The following NR4A2 variants were observed in gnomAD, a reference collection of about 807,000 sequenced individuals.
The protein encoded by NR4A2 is NGFI-B/nur77 beta-type transcription factor homolog.
NR4A2 carries 1 observed loss-of-function variant against 50.5 expected under a neutral mutation model. That is an observed-to-expected ratio of 0.02 (90% CI 0.01 to 0.09). The LOEUF (loss-of-function observed/expected upper bound fraction) is 0.09. NR4A2 is among the 10% of genes least tolerant of loss of function. The pLI is 1.00. For synonymous variants in NR4A2, 328 were observed against 309.4 expected (o/e 1.06, Z -0.63); for missense variants, 613 against 777.3 (o/e 0.79, Z 2.51).
chr2:156,331,081 C>T (rs1268848498), intron 1 of NR4A2, among the ~76,000 whole-genome samples: 1 of 152,192 alleles, frequency 6.6e-6, no homozygotes, highest in Non-Finnish European at 1.5e-5. Context: ...GAACTGGCCC[C>T]TTTGCTACAG....
At chr2:156,330,445 C>T (rs1686872675) in intron 2 of NR4A2, among the ~76,000 whole-genome samples, 1 of 152,108 alleles carries the variant, frequency 6.6e-6, no homozygotes, top group African/African-American at 2.4e-5. Flanking sequence ...TCCCTCATAC[C>T]CCCCCACTCA....
chr2:156,328,578 G>GA lies in NR4A2; in HGVS notation c.865-46dup. 6.2e-7 allele frequency: 1 copy of GA among 1,613,404 alleles called. No individual in the cohort carries two copies. Among genetic ancestry groups the GA allele is most frequent in the Non-Finnish European group, 8.5e-7 (1 of 1,179,862 alleles). On this transcript the variant is annotated intron_variant, in intron 3 of 7. Transcript: ENST00000339562. This position sits in a 1 kb window ranked among gnomAD's most constrained non-coding sequence, Gnocchi z 4.9. ...AGACCAACATTTTTTTTCTTCTTTT[G>GA]AAAATCAGGCAACTCGGAGAAAATT...
In NR4A2 at chr2:156,326,194, T is replaced by G. The variant is rs537443892; in HGVS notation, c.1496A>C (p.Asp499Ala). The change falls in exon 7 of 8, where the codon GAC (aspartate) becomes GCC (alanine). Residue 499 changes from aspartate to alanine, a missense_variant. Coordinates refer to ENST00000339562, the MANE Select transcript of NR4A2 (RefSeq NM_006186.4). The surrounding 1 kb of genome is among the most constrained non-coding windows in gnomAD (Gnocchi z 4.2). Reference protein sequence around the residue: ...FSSNLQNMNIDISAFSCIAAL... With the variant: ...FSSNLQNMNIAISAFSCIAAL... Reference sequence around the variant, plus strand: ...AGCAATGCAGGAGAAGGCAGAAATGTCGATGTTCATATTCTGCAAGTTGGA... The same window carrying G: ...AGCAATGCAGGAGAAGGCAGAAATGGCGATGTTCATATTCTGCAAGTTGGA... 4 of 1,614,178 alleles carry G rather than the reference T, an allele frequency of 2.5e-6. No homozygotes were observed. In the South Asian group the frequency reaches 4.4e-5, roughly 18 times the overall value.
At chr2:156,330,213 A>G in intron 2 of NR4A2, 25 bp from the exon 3 acceptor site, 1 of 1,613,324 alleles carries the variant, frequency 6.2e-7, no homozygotes, top group Middle Eastern at 1.7e-4. Context: ...GGGTGATAAC[A>G]CACTCAGCCT....
rs1337292852 is a variant in NR4A2 at position 156,327,471 on chromosome 2, C to G, written c.1158+380G>C. 2.0e-5 allele frequency among the ~76,000 whole-genome samples: 3 copies of G among 152,112 alleles called. No homozygotes were observed. The East Asian group carries it at 5.8e-4, about 29-fold the overall frequency. ...CCAGGAAGGATGAGGATTAAAGCATCTATCTCTATGGAGGACTGGGAATAA... is the reference window on the plus strand; with the variant it reads ...CCAGGAAGGATGAGGATTAAAGCATGTATCTCTATGGAGGACTGGGAATAA... On this transcript the variant is annotated intron_variant, in intron 5 of 7. Coordinates refer to ENST00000339562, the MANE Select transcript of NR4A2 (RefSeq NM_006186.4).
At position 156,328,620 on chromosome 2, in the gene NR4A2, G is replaced by C; in HGVS notation, c.865-87C>G. On this transcript the variant is annotated intron_variant, in intron 3 of 7. Coordinates refer to ENST00000339562, the MANE Select transcript of NR4A2 (RefSeq NM_006186.4). This position sits in a 1 kb window ranked among gnomAD's most constrained non-coding sequence, Gnocchi z 4.9. ...GAGAAAATTTCTGTTATGTGACTGG[G>C]GTCTACGATTCCTCCCCACAAACAA... The C allele has an allele frequency of 4.0e-6, 6 of 1,514,746 alleles. No homozygotes were observed. The highest frequency in any genetic ancestry group is 1.1e-5 in the South Asian group (1 of 88,458). 93.8% of individuals were successfully genotyped at this position (1,514,746 alleles called of 1,614,324 possible). A position where few individuals can be genotyped will look rare whatever the true frequency, so the allele number is the denominator to read the frequency against.
Position 156,329,183 on chromosome 2 carries a change from C to A in NR4A2, c.864+140G>T, listed in dbSNP as rs979676330. On this transcript the variant is annotated intron_variant, in intron 3 of 7. Coordinates refer to ENST00000339562, the MANE Select transcript of NR4A2 (RefSeq NM_006186.4). This position sits in a 1 kb window ranked among gnomAD's most constrained non-coding sequence, Gnocchi z 7.5. ...CCGCAGCCCATGGTCTCCTGCAGGG[C>A]AGCTTCGGCGGACCCCGGAGAGCTG... is the stretch of plus-strand genomic sequence containing the variant. 8.1e-7 allele frequency: 1 copy of A among 1,238,180 alleles called. No homozygotes were observed. Among genetic ancestry groups the A allele is most frequent in the Non-Finnish European group, 1.1e-6 (1 of 876,508 alleles). 76.7% of individuals were successfully genotyped at this position (1,238,180 alleles called of 1,614,324 possible). A position where few individuals can be genotyped will look rare whatever the true frequency, so the allele number is the denominator to read the frequency against.
At position 156,324,804 on chromosome 2, in the gene NR4A2, A is replaced by G. The variant is rs1686568326; in HGVS notation, c.*940T>C. 1 of 152,674 alleles carries G rather than the reference A, an allele frequency of 6.5e-6. No homozygotes were observed. 9.5% of individuals were successfully genotyped at this position (152,674 alleles called of 1,614,324 possible). On this transcript the variant is annotated 3_prime_UTR_variant, in exon 8 of 8. Coordinates refer to ENST00000339562, the MANE Select transcript of NR4A2 (RefSeq NM_006186.4). ...CAAGATATAAACTTTCTTTTTATCAACATCAACGGTACATACAACACTTAC... is the reference window on the plus strand; with the variant it reads ...CAAGATATAAACTTTCTTTTTATCAGCATCAACGGTACATACAACACTTAC...
At position 156,329,316 on chromosome 2, in the gene NR4A2, T is replaced by G. The variant is rs781743600; in HGVS notation, c.864+7A>C. ...TACCTGCCTACTCCGCTCCCGCCAT[T>G]GCTCACCTTAAAGAAGCCTTTGCAG... On this transcript the variant is annotated splice_region_variant and intron_variant, in intron 3 of 7. Coordinates refer to ENST00000339562, the MANE Select transcript of NR4A2 (RefSeq NM_006186.4). The surrounding 1 kb of genome is among the most constrained non-coding windows in gnomAD (Gnocchi z 7.5). 2.7e-5 allele frequency: 44 copies of G among 1,610,262 alleles called. No individual in the cohort carries two copies. In the Admixed American group the frequency reaches 7.4e-4, roughly 27 times the overall value.
rs1183720968 is a variant in NR4A2, at chr2:156,328,980, C to T, written c.864+343G>A. 6.6e-6 allele frequency among the ~76,000 whole-genome samples: 1 copy of T among 152,246 alleles called. No homozygotes were observed. Among genetic ancestry groups the T allele is most frequent in the African/African-American group, 2.4e-5 (1 of 41,476 alleles). On this transcript the variant is annotated intron_variant, in intron 3 of 7. Coordinates refer to ENST00000339562, the MANE Select transcript of NR4A2 (RefSeq NM_006186.4). This position sits in a 1 kb window ranked among gnomAD's most constrained non-coding sequence, Gnocchi z 4.9. ...GTTAGCTCAGACACGGTTCTCTGTCCTAACCAATTTCATTCTGAACAGGGA... is the reference window on the plus strand; with the variant it reads ...GTTAGCTCAGACACGGTTCTCTGTCTTAACCAATTTCATTCTGAACAGGGA...
chr2:156,326,504 C>T lies in NR4A2; in HGVS notation c.1362-176G>A, dbSNP rs1223394805. ...TTAATTTCATAACAATCAAGAACGC[C>T]CCCTATCCCACCTCCATTCCATTCA... On this transcript the variant is annotated intron_variant, in intron 6 of 7. Coordinates refer to ENST00000339562, the MANE Select transcript of NR4A2 (RefSeq NM_006186.4). This position sits in a 1 kb window ranked among gnomAD's most constrained non-coding sequence, Gnocchi z 4.2. Among the ~76,000 whole-genome samples, 2 of 152,140 alleles carry T rather than the reference C, an allele frequency of 1.3e-5. No individual in the cohort carries two copies. Among genetic ancestry groups the T allele is most frequent in the East Asian group, 1.9e-4 (1 of 5,198 alleles).
chr2:156,326,787 G>C lies in NR4A2; in HGVS notation c.1292C>G (p.Pro431Arg). ...AEKIPGFADLPKADQDLLFES... is the reference protein window; with the variant it reads ...AEKIPGFADLRKADQDLLFES... ...AAAAAGCAGGTCTTGGTCGGCTTTG[G>C]GCAGGTCTGCGAAGCCAGGGATCTT... The change falls in exon 6 of 8, where the codon CCC becomes CGC. Residue 431 changes from proline (P) to arginine (R), a missense_variant. Coordinates refer to ENST00000339562, the MANE Select transcript of NR4A2 (RefSeq NM_006186.4). The surrounding 1 kb of genome is among the most constrained non-coding windows in gnomAD (Gnocchi z 4.2). The C allele has an allele frequency of 1.2e-6, 2 of 1,614,152 alleles. No homozygotes were observed. Among genetic ancestry groups the C allele is most frequent in the South Asian group, 2.2e-5 (2 of 91,088 alleles).
rs754670612 is a variant in NR4A2 at position 156,329,962 on chromosome 2, T to C, written c.225A>G (p.Pro75=). The C allele has an allele frequency of 1.2e-6, 2 of 1,614,174 alleles. No homozygotes were observed. Among genetic ancestry groups the C allele is most frequent in the Non-Finnish European group, 1.7e-6 (2 of 1,180,042 alleles). Residue 75 remains proline, a synonymous_variant, in exon 3 of 8, where the codon CCA becomes CCG. Coordinates refer to ENST00000339562, the MANE Select transcript of NR4A2 (RefSeq NM_006186.4). The surrounding 1 kb of genome is among the most constrained non-coding windows in gnomAD (Gnocchi z 7.5). ...ACAGGGGCATTTGGTACAAGCAAGGTGGCTTGACGTCGTAGCCTGTGCTGT... is the reference window on the plus strand; with the variant it reads ...ACAGGGGCATTTGGTACAAGCAAGGCGGCTTGACGTCGTAGCCTGTGCTGT... ...DNYSTGYDVK[P]PCLYQMPLSG...
Position 156,326,104 on chromosome 2 carries a change from G to T in NR4A2, c.1540+46C>A. ...ACAAGGGAAACTCAGGACAAATCCT[G>T]CTAGGCAGTTCTGGAGGGGAAGCGC... On this transcript the variant is annotated intron_variant, in intron 7 of 7. Transcript: ENST00000339562. This position sits in a 1 kb window ranked among gnomAD's most constrained non-coding sequence, Gnocchi z 4.2. The T allele has an allele frequency of 6.2e-7, 1 of 1,613,494 alleles. No homozygotes were observed. The highest frequency in any genetic ancestry group is 8.5e-7 in the Non-Finnish European group (1 of 1,179,548).
intron 2 of NR4A2, 66 bp from the exon 3 acceptor site, chr2:156,330,254 G>T: frequency 1.3e-6 from 2 of 1,586,052 alleles, no homozygotes; most frequent in African/African-American, 1.3e-5. Flanking sequence ...CCGGGCTCGG[G>T]TACACCTGGA....
In NR4A2 at chr2:156,324,727, A is replaced by G. The variant is rs986511917; in HGVS notation, c.*1017T>C. 6.5e-6 allele frequency: 1 copy of G among 152,680 alleles called. No individual in the cohort carries two copies. Among genetic ancestry groups the G allele is most frequent in the Non-Finnish European group, 1.5e-5 (1 of 68,042 alleles). The allele number at this position is 152,680 out of a possible 1,614,324, so 9.5% of individuals were successfully genotyped here. On this transcript the variant is annotated 3_prime_UTR_variant, in exon 8 of 8. Transcript: ENST00000339562. ...TGTATATTATAAGCACTCTGGAAAC[A>G]GTCAAAAGCTGCTGCATGCAAGTTT...
Position 156,328,735 on chromosome 2 carries a change from A to G in NR4A2, c.865-202T>C, listed in dbSNP as rs560598161. Among the ~76,000 whole-genome samples, 1 of 152,168 alleles carries G rather than the reference A, an allele frequency of 6.6e-6. No homozygotes were observed. Among genetic ancestry groups the G allele is most frequent in the South Asian group, 2.1e-4 (1 of 4,818 alleles). The stretch of plus-strand genomic sequence containing the variant: ...TCCCCCAGGGCATTTAACAGAAGAA[A>G]ATTGATAGCGTTAACATTTGAGCTA... On this transcript the variant is annotated intron_variant, in intron 3 of 7. Transcript: ENST00000339562. This position sits in a 1 kb window ranked among gnomAD's most constrained non-coding sequence, Gnocchi z 4.9.
Position 156,326,696 on chromosome 2 carries a change from G to C in NR4A2, c.1361+22C>G. 2.0e-6 allele frequency: 3 copies of C among 1,513,714 alleles called. No homozygotes were observed. The highest frequency in any genetic ancestry group is 1.8e-6 in the Non-Finnish European group (2 of 1,135,418). The allele number at this position is 1,513,714 out of a possible 1,614,324, so 93.8% of individuals were successfully genotyped here. A position where few individuals can be genotyped will look rare whatever the true frequency, so the allele number is the denominator to read the frequency against. ...ATTTCTCTCACAGCCTCCCTGGATTGTCTCCCTCCCTCCCTTATTACCTGT... is the reference window on the plus strand; with the variant it reads ...ATTTCTCTCACAGCCTCCCTGGATTCTCTCCCTCCCTCCCTTATTACCTGT... On this transcript the variant is annotated intron_variant, in intron 6 of 7. Transcript: ENST00000339562. The surrounding 1 kb of genome is among the most constrained non-coding windows in gnomAD (Gnocchi z 4.2).
rs773502234 is a variant in NR4A2, at chr2:156,328,506, C to G, written c.892G>C (p.Val298Leu). The G allele has an allele frequency of 6.2e-7, 1 of 1,614,174 alleles. No individual in the cohort carries two copies. The highest frequency in any genetic ancestry group is 1.7e-5 in the Admixed American group (1 of 60,018). Residue 298 changes from valine (V) to leucine (L), a missense_variant, in exon 4 of 8, where the codon GTG becomes CTG. Around this residue, in one of 4 missense-constraint regions of NR4A2, gnomAD observed 27 missense variants for 120.7 expected, o/e 0.22. Transcript: ENST00000339562. The surrounding 1 kb of genome is among the most constrained non-coding windows in gnomAD (Gnocchi z 4.9). ...KRTVQKNAKY[V>L]CLANKNCPVD... ...GGGCAGTTTTTATTTGCTAAACACA[C>G]GTATTTTGCATTTTTTTGCACTGTG...
Sources: gnomAD v4.1 joint callset for allele counts (sites outside exome capture counted in the v4.1 genomes callset) on GRCh38, gnomAD v4.1.1 for gene constraint, gnomAD v4.1.1 regional missense constraint, Gnocchi (gnomAD v3.1) non-coding constraint, MANE v1.5 for transcripts, NCBI Gene and HGNC (gene_info 2026-07-23, HGNC 2026-07-21) for gene names.